The following GPI variants were observed in gnomAD, a reference collection of about 807,000 sequenced individuals.
The protein encoded by GPI is glucose-6-phosphate isomerase, also known as D-hexose-6-phosphate anomerase.
A neutral mutation model predicts 75.8 loss-of-function variants in GPI; 56 were observed. The observed-to-expected ratio is 0.74, with a 90% CI of 0.60 to 0.92. The LOEUF (loss-of-function observed/expected upper bound fraction) is 0.92. Among genes scored for constraint, GPI ranks in the 40% least tolerant of loss-of-function variants. GPI has a pLI of 0.00. For synonymous variants in GPI, 288 were observed against 285.4 expected (o/e 1.01, Z -0.09); for missense variants, 638 against 741.0 (o/e 0.86, Z 1.61).
Position 34,393,908 on chromosome 19 carries a change from T to C in GPI, c.910-6T>C, listed in dbSNP as rs766285241. ...TCAGCTCCCACTCATCCTGCTCCTG[T>C]TTCAGGACCAGCACTTCCGCACGAC... On this transcript the variant is annotated splice_region_variant and splice_polypyrimidine_tract_variant and intron_variant, in intron 11 of 17. Transcript: ENST00000356487. The surrounding 1 kb of genome is among the most constrained non-coding windows in gnomAD (Gnocchi z 4.4). 3.1e-6 allele frequency: 5 copies of C among 1,613,492 alleles called. No homozygotes were observed. In the South Asian group the frequency reaches 5.5e-5, roughly 18 times the overall value.
chr19:34,369,107 C>T (rs111375217), intron 4 of GPI, among the ~76,000 whole-genome samples: 10 of 150,190 alleles, frequency 6.7e-5, no homozygotes, highest in African/African-American at 2.2e-4. Flanking sequence ...GGACTGCAGT[C>T]GTGCTATCTC....
chr19:34,395,175 T>C (rs1454124666), intron 12 of GPI, among the ~76,000 whole-genome samples: 1 of 152,144 alleles, frequency 6.6e-6, no homozygotes, highest in African/African-American at 2.4e-5. Flanking sequence ...AGGGTTGCCA[T>C]GACCAGGGCC....
At position 34,377,554 on chromosome 19, in the gene GPI, G is replaced by C; in HGVS notation, c.454G>C (p.Val152Leu). Residue 152 changes from valine to leucine, a missense_variant, in exon 5 of 18, where the codon GTC becomes CTC. Coordinates refer to ENST00000356487, the MANE Select transcript of GPI (RefSeq NM_000175.5). ...GTACACAGGCAAGACCATCACGGAC[G>C]TCATCAACATTGGCATTGGCGGCTC... ...KGYTGKTITD[V>L]INIGIGGSDL... 6.2e-7 allele frequency: 1 copy of C among 1,613,266 alleles called. No homozygotes were observed. Among genetic ancestry groups the C allele is most frequent in the East Asian group, 2.2e-5 (1 of 44,838 alleles).
At chr19:34,391,995 A>G (rs913374188) in intron 9 of GPI, among the ~76,000 whole-genome samples, 3 of 11,348 alleles carry the variant, frequency 2.6e-4, no homozygotes, top group Admixed American at 2.0e-3. Flanking sequence ...CTGAGGAGGT[A>G]GGATCTGGTG....
rs1404599788 is a variant in GPI, at chr19:34,393,176, CAG to C, written c.805-71_805-70del. The C allele has an allele frequency of 3.2e-5, 39 of 1,218,692 alleles. No individual in the cohort carries two copies. The East Asian group carries it at 8.6e-4, about 27-fold the overall frequency. The allele number at this position is 1,218,692 out of a possible 1,614,324, so 75.5% of individuals were successfully genotyped here. On this transcript the variant is annotated intron_variant, in intron 9 of 17. Coordinates refer to ENST00000356487, the MANE Select transcript of GPI (RefSeq NM_000175.5). This position sits in a 1 kb window ranked among gnomAD's most constrained non-coding sequence, Gnocchi z 4.4. ...AGACGCCCCTGTGCAAGACCAGGGA[CAG>C]GGTTTCCGGCAGGAGGTGGGGGGCG...
chr19:34,363,438 T>G (rs868339766), upstream of GPI: 1 of 152,272 alleles, frequency 6.6e-6, no homozygotes, highest in East Asian at 1.9e-4. Context: ...TGGTTGAGGT[T>G]TTGTTCTGAA....
At chr19:34,364,364 C>T (rs1338730896), upstream of GPI, among the ~76,000 whole-genome samples, 1 of 150,844 alleles carries the variant, frequency 6.6e-6, no homozygotes. Flanking sequence ...TGTTGCCTCC[C>T]TTTTGCTCTC....
chr19:34,393,881 G>T lies in GPI; in HGVS notation c.910-33G>T. On this transcript the variant is annotated intron_variant, in intron 11 of 17. Transcript: ENST00000356487. The surrounding 1 kb of genome is among the most constrained non-coding windows in gnomAD (Gnocchi z 4.4). ...CTGTCCCTCCCCTCCCCGTGCAGCT[G>T]CTCAGCTCCCACTCATCCTGCTCCT... is the stretch of plus-strand genomic sequence containing the variant. The T allele has an allele frequency of 6.2e-7, 1 of 1,612,658 alleles. No homozygotes were observed. Among genetic ancestry groups the T allele is most frequent in the South Asian group, 1.1e-5 (1 of 91,054 alleles).
intron 9 of GPI, among the ~76,000 whole-genome samples, chr19:34,381,837 AGT>A (rs2074658667): frequency 6.6e-6 from 1 of 152,190 alleles, no homozygotes; most frequent in Non-Finnish European, 1.5e-5. Flanking sequence ...AGTTATTCTC[AGT>A]GATGACCTTT....
chr19:34,389,899 G>A (rs1287603326), intron 9 of GPI, among the ~76,000 whole-genome samples: 1 of 152,216 alleles, frequency 6.6e-6, no homozygotes, highest in African/African-American at 2.4e-5. Flanking sequence ...TGTGGGAGGT[G>A]CTCCATAAAC....
intron 9 of GPI, chr19:34,392,121 G>GTA: frequency 1.9e-3 from 1 of 524 alleles, no homozygotes; most frequent in Non-Finnish European, 3.1e-3. Flanking sequence ...AAGAGGATCT[G>GTA]CATCTGTCAG....
In GPI at chr19:34,400,888, G is replaced by C; in HGVS notation, c.*852G>C. The C allele has an allele frequency of 3.2e-6, 1 of 313,876 alleles. No homozygotes were observed. The highest frequency in any genetic ancestry group is 2.2e-5 in the African/African-American group (1 of 46,264). The allele number at this position is 313,876 out of a possible 1,614,324, so 19.4% of individuals were successfully genotyped here. A position where few individuals can be genotyped will look rare whatever the true frequency, so the allele number is the denominator to read the frequency against. Reference sequence around the variant, plus strand: ...TACACGGCGCACACCACCATACCCAGCTAATTTTTGTATTTTTAGTAGTGA... The same window carrying C: ...TACACGGCGCACACCACCATACCCACCTAATTTTTGTATTTTTAGTAGTGA... On this transcript the variant is annotated 3_prime_UTR_variant, in exon 18 of 18. Transcript: ENST00000356487.
intron 4 of GPI, among the ~76,000 whole-genome samples, chr19:34,371,206 TA>T (rs1218221126): frequency 6.6e-6 from 1 of 152,212 alleles, no homozygotes; most frequent in Non-Finnish European, 1.5e-5. Context: ...AAGGTATTTA[TA>T]GTTCAAAAAA....
rs1181480292 is a variant in GPI, at chr19:34,365,687, G to T, written c.122+299G>T. 7.0e-6 allele frequency: 4 copies of T among 574,944 alleles called. No individual in the cohort carries two copies. In the East Asian group the frequency reaches 1.6e-4, roughly 23 times the overall value. 35.6% of individuals were successfully genotyped at this position (574,944 alleles called of 1,614,324 possible). A position where few individuals can be genotyped will look rare whatever the true frequency, so the allele number is the denominator to read the frequency against. ...TCCCCGTGCAGCTCTGGCCATTTGA[G>T]CAGGGGCTCCTTTCGCAGTTGTGAA... On this transcript the variant is annotated intron_variant, in intron 1 of 17. Transcript: ENST00000356487.
At chr19:34,373,089 T>TA (rs1300044788) in intron 4 of GPI, among the ~76,000 whole-genome samples, 1 of 151,440 alleles carries the variant, frequency 6.6e-6, no homozygotes, top group Non-Finnish European at 1.5e-5. Context: ...TTTTTTTAAT[T>TA]AAAAAATAAT....
chr19:34,366,100 G>C (rs755515898), intron 1 of GPI: 66 of 686,404 alleles, frequency 9.6e-5, no homozygotes, highest in Non-Finnish European at 1.9e-5. Flanking sequence ...ACTTCAGTCC[G>C]GGCTCCTCAT....
chr19:34,369,216 T>G (rs1182210557), intron 4 of GPI, among the ~76,000 whole-genome samples: 1 of 151,926 alleles, frequency 6.6e-6, no homozygotes, highest in Non-Finnish European at 1.5e-5. Flanking sequence ...GCTCAGCTAA[T>G]TTTTGTATTT....
rs774942905 is a variant in GPI, at chr19:34,365,272, C to T, written c.6C>T (p.Ala2=). Residue 2 remains alanine (A), a synonymous_variant, in exon 1 of 18, where the codon GCC becomes GCT. Coordinates refer to ENST00000356487, the MANE Select transcript of GPI (RefSeq NM_000175.5). Reference sequence around the variant, plus strand: ...GTGTACCTTCTAGTCCCGCCATGGCCGCTCTCACCCGGGACCCCCAGTTCC... The same window carrying T: ...GTGTACCTTCTAGTCCCGCCATGGCTGCTCTCACCCGGGACCCCCAGTTCC... The part of the protein sequence containing the change: M[A]ALTRDPQFQK... 37 of 1,574,436 alleles carry T rather than the reference C, an allele frequency of 2.4e-5. No homozygotes were observed. The highest frequency in any genetic ancestry group is 5.2e-6 in the Non-Finnish European group (6 of 1,163,390).
chr19:34,395,959 T>C (rs1443514679), intron 12 of GPI, among the ~76,000 whole-genome samples: 3 of 149,492 alleles, frequency 2.0e-5, no homozygotes, highest in Non-Finnish European at 3.0e-5. Context: ...TTTTTTTGAG[T>C]TGGAGTTTTG....
Sources: allele counts gnomAD v4.1 joint callset (sites outside exome capture counted in the v4.1 genomes callset), GRCh38; gene constraint gnomAD v4.1.1; non-coding constraint Gnocchi (gnomAD v3.1); transcripts MANE v1.5; gene names NCBI Gene and HGNC (gene_info 2026-07-23, HGNC 2026-07-21).